Variants in TGFBR3 observed in about 807,000 individuals in gnomAD.
The protein encoded by TGFBR3 is transforming growth factor beta receptor 3, also known as transforming growth factor beta receptor type 3.
TGFBR3 carries 46 observed loss-of-function variants against 87.9 expected under a neutral mutation model. The ratio of observed to expected loss-of-function variants is 0.52; its 90% CI spans 0.41 to 0.67. The LOEUF is 0.67. Among genes scored for constraint, TGFBR3 ranks in the 30% least tolerant of loss-of-function variants. The probability of loss-of-function intolerance (pLI) is 0.00; values close to 1 mark genes in which losing one functional copy is unlikely to be tolerated. For missense variants in TGFBR3, 866 were observed against 1,041.9 expected (o/e 0.83, Z 2.32); for synonymous variants, 381 against 391.6 (o/e 0.97, Z 0.32).
At chr1:91,803,588 G>C (rs1675725021) in intron 2 of TGFBR3, among the ~76,000 whole-genome samples, 2 of 151,358 alleles carry the variant, frequency 1.3e-5, no homozygotes, top group South Asian at 4.2e-4. Context: ...TTTTATATAA[G>C]CCAATGTTAT....
chr1:91,764,293 C>A, intron 3 of TGFBR3, among the ~76,000 whole-genome samples: 1 of 88,964 alleles, frequency 1.1e-5, no homozygotes, highest in Admixed American at 1.5e-4. Context: ...CTCTGAAAAT[C>A]ATCTAATATA....
intron 3 of TGFBR3, among the ~76,000 whole-genome samples, chr1:91,773,385 G>A (rs284199): frequency 0.42 from 64,196 of 151,704 alleles, 14,454 homozygotes; most frequent in African/African-American, 0.56. Context: ...AAAGTCTTCA[G>A]GACAGATCTC....
intron 2 of TGFBR3, among the ~76,000 whole-genome samples, chr1:91,857,618 T>C (rs1308478329): frequency 6.6e-6 from 1 of 152,170 alleles, no homozygotes. Flanking sequence ...TTTATAAGCC[T>C]AAATAAAGTA....
Position 91,716,229 on chromosome 1 carries a change from G to T in TGFBR3, c.1866+7C>A. Reference sequence around the variant, plus strand: ...CTAAAAGGTCAAGGCTAACTTTCAGGTCTCACCTCAACATAAACGTGTCCA... The same window carrying T: ...CTAAAAGGTCAAGGCTAACTTTCAGTTCTCACCTCAACATAAACGTGTCCA... On this transcript the variant is annotated splice_region_variant and intron_variant, in intron 12 of 16. Coordinates refer to ENST00000212355, the MANE Select transcript of TGFBR3 (RefSeq NM_003243.5). 1 of 1,613,998 alleles carries T rather than the reference G, an allele frequency of 6.2e-7. No homozygotes were observed. The highest frequency in any genetic ancestry group is 8.5e-7 in the Non-Finnish European group (1 of 1,179,988).
intron 14 of TGFBR3, among the ~76,000 whole-genome samples, chr1:91,703,811 T>C (rs1671702714): frequency 6.6e-6 from 1 of 152,224 alleles, no homozygotes; most frequent in Non-Finnish European, 1.5e-5. Flanking sequence ...TAAACCATAA[T>C]ATGCATAAAC....
At chr1:91,801,119 G>A (rs575084600) in intron 2 of TGFBR3, 35 of 195,316 alleles carry the variant, frequency 1.8e-4, no homozygotes, top group African/African-American at 8.0e-4. Flanking sequence ...GAGAGAGACT[G>A]CTCCCATTTA....
chr1:91,751,269 T>A (rs370674025), intron 4 of TGFBR3, among the ~76,000 whole-genome samples: 316 of 152,212 alleles, frequency 2.1e-3, no homozygotes, highest in Non-Finnish European at 2.2e-3. Context: ...GAATTTTTTT[T>A]AAAAAAAGTT....
At position 91,699,781 on chromosome 1, in the gene TGFBR3, G is replaced by A. The variant is rs538190654; in HGVS notation, c.2288-1651C>T. On this transcript the variant is annotated intron_variant, in intron 14 of 16. Transcript: ENST00000212355. ...AGTTGAATCAGAATTCCAGAGTTCTGCCTAGCAGGCTAAATGACTGGTGAG... is the reference window on the plus strand; with the variant it reads ...AGTTGAATCAGAATTCCAGAGTTCTACCTAGCAGGCTAAATGACTGGTGAG... 7.9e-5 allele frequency among the ~76,000 whole-genome samples: 12 copies of A among 152,310 alleles called. No individual in the cohort carries two copies. In the South Asian group the frequency reaches 2.5e-3, roughly 32 times the overall value.
intron 2 of TGFBR3, among the ~76,000 whole-genome samples, chr1:91,832,304 G>A (rs1398334445): frequency 6.6e-6 from 1 of 152,106 alleles, no homozygotes; most frequent in Non-Finnish European, 1.5e-5. Flanking sequence ...CAAATACTAA[G>A]GTCATCTTTG....
chr1:91,736,821 C>A (rs968678341), intron 4 of TGFBR3, among the ~76,000 whole-genome samples: 1 of 152,170 alleles, frequency 6.6e-6, no homozygotes, highest in Non-Finnish European at 1.5e-5. Flanking sequence ...AATGTTTAGA[C>A]GAGAAACCCT....
intron 2 of TGFBR3, among the ~76,000 whole-genome samples, chr1:91,855,675 C>T (rs1190528642): frequency 6.6e-6 from 1 of 152,086 alleles, no homozygotes; most frequent in African/African-American, 2.4e-5. Flanking sequence ...ATCACTTCAG[C>T]CTGGAAAGCA....
chr1:91,817,703 G>A (rs925078999), intron 2 of TGFBR3, among the ~76,000 whole-genome samples: 3 of 152,142 alleles, frequency 2.0e-5, no homozygotes, highest in Non-Finnish European at 4.4e-5. Context: ...GTAAAGCCAT[G>A]AGTATTCTGA....
At chr1:91,697,368 A>T (rs528997500) in intron 15 of TGFBR3, among the ~76,000 whole-genome samples, 2 of 152,316 alleles carry the variant, frequency 1.3e-5, no homozygotes, top group South Asian at 2.1e-4. Flanking sequence ...AGCCACGGAG[A>T]CTAATCCTGG....
chr1:91,871,716 T>C (rs1468770262), intron 1 of TGFBR3, among the ~76,000 whole-genome samples: 1 of 152,154 alleles, frequency 6.6e-6, no homozygotes, highest in Non-Finnish European at 1.5e-5. Context: ...GCAAAGGTCC[T>C]GAGGTAAGAG....
At chr1:91,799,566 C>T (rs149879435) in intron 2 of TGFBR3, among the ~76,000 whole-genome samples, 3 of 152,312 alleles carry the variant, frequency 2.0e-5, no homozygotes, top group Non-Finnish European at 2.9e-5. Flanking sequence ...ACACTGGCTA[C>T]AGCTACCCAC....
intron 2 of TGFBR3, among the ~76,000 whole-genome samples, chr1:91,799,732 C>CTAA (rs1675530541): frequency 6.6e-6 from 1 of 152,310 alleles, no homozygotes; most frequent in African/African-American, 2.4e-5. Context: ...GGCCTGCAAT[C>CTAA]TATTTGATCT....
chr1:91,720,295 A>G, intron 8 of TGFBR3, 65 bp from the exon 9 acceptor site: 1 of 1,433,660 alleles, frequency 7.0e-7, no homozygotes, highest in Non-Finnish European at 9.5e-7. Flanking sequence ...ACATCATTAC[A>G]GGCAGAACAG....
intron 1 of TGFBR3, among the ~76,000 whole-genome samples, chr1:91,881,249 T>C (rs1679066248): frequency 6.6e-6 from 1 of 152,208 alleles, no homozygotes; most frequent in Non-Finnish European, 1.5e-5. Flanking sequence ...TTCTTAAAAC[T>C]CAAAGGACAG....
chr1:91,726,103 C>T (rs1485673397), intron 7 of TGFBR3, among the ~76,000 whole-genome samples: 1 of 152,138 alleles, frequency 6.6e-6, no homozygotes, highest in Non-Finnish European at 1.5e-5. Flanking sequence ...ACAGATCTTG[C>T]ACTGGGATGA....
Sources: allele counts gnomAD v4.1 joint callset (sites outside exome capture counted in the v4.1 genomes callset), GRCh38; gene constraint gnomAD v4.1.1; transcripts MANE v1.5; gene names NCBI Gene and HGNC (gene_info 2026-07-23, HGNC 2026-07-21).